The following XKR9 variants were observed in gnomAD, a reference collection of about 807,000 sequenced individuals.
XKR9 encodes XK related 9.
In XKR9, 32 loss-of-function variants were observed where a neutral mutation model predicts 32.0. The ratio of observed to expected loss-of-function variants is 1.00; its 90% confidence interval spans 0.76 to 1.34. The LOEUF (loss-of-function observed/expected upper bound fraction) is 1.34, where lower values mean the gene tolerates loss of function less well. Ranked by LOEUF, XKR9 falls within the 40% of genes most tolerant of loss-of-function variation. XKR9 has a pLI of 0.00. For synonymous variants in XKR9, 168 were observed against 143.4 expected, an observed-to-expected ratio of 1.17 and a Z score of -1.22; for missense variants, 546 against 429.7, an observed-to-expected ratio of 1.27 and a Z score of -2.39.
chr8:71,057,472 A>G, the XKR9 span, among the ~76,000 whole-genome samples: 1 of 152,188 alleles, frequency 6.6e-6, no homozygotes, highest in Non-Finnish European at 1.5e-5. Context: ...AGTCCTGTTA[A>G]AGTCATTAGA....
At chr8:71,005,956 T>C in the XKR9 span, among the ~76,000 whole-genome samples, 1 of 152,264 alleles carries the variant, frequency 6.6e-6, no homozygotes, top group African/African-American at 2.4e-5. Context: ...AGAGGGACTT[T>C]CTAAAGAAGA....
the XKR9 span, among the ~76,000 whole-genome samples, chr8:70,994,436 T>G: frequency 1.3e-5 from 2 of 152,164 alleles, no homozygotes; most frequent in Non-Finnish European, 2.9e-5. Context: ...ACATTTCACT[T>G]TCTTCTTACT....
chr8:70,859,381 AAG>A, the XKR9 span, among the ~76,000 whole-genome samples: 6 of 152,234 alleles, frequency 3.9e-5, no homozygotes, highest in Admixed American at 3.9e-4. Flanking sequence ...TGAGGATGTG[AAG>A]AGAGGGGAAC....
the XKR9 span, among the ~76,000 whole-genome samples, chr8:70,930,412 T>C: frequency 9.9e-5 from 15 of 152,256 alleles, no homozygotes; most frequent in South Asian, 2.1e-4. Context: ...TCAAAGTTAT[T>C]TACCACTTTG....
At chr8:70,798,726 A>G in the XKR9 span, among the ~76,000 whole-genome samples, 2 of 152,216 alleles carry the variant, frequency 1.3e-5, no homozygotes, top group Non-Finnish European at 2.9e-5. Context: ...ATTTTTGTAC[A>G]TGGTGTAAGG....
the XKR9 span, among the ~76,000 whole-genome samples, chr8:71,023,675 G>A: frequency 7.4e-4 from 113 of 152,332 alleles, no homozygotes; most frequent in African/African-American, 2.5e-3. Context: ...TGTGTGTGGT[G>A]TGGATGATGG....
downstream of XKR9, among the ~76,000 whole-genome samples, chr8:70,792,901 A>T (rs775193767): frequency 1.2e-4 from 18 of 152,156 alleles, no homozygotes; most frequent in Non-Finnish European, 5.9e-5. Context: ...CGTAGACTGA[A>T]TCTACTTGAT....
chr8:71,033,842 T>C, the XKR9 span, among the ~76,000 whole-genome samples: 3 of 152,140 alleles, frequency 2.0e-5, no homozygotes, highest in Non-Finnish European at 4.4e-5. Flanking sequence ...CCAACAGAAT[T>C]GTGAGCCAAA....
At chr8:70,804,085 G>A in the XKR9 span, among the ~76,000 whole-genome samples, 1 of 152,228 alleles carries the variant, frequency 6.6e-6, no homozygotes, top group Non-Finnish European at 1.5e-5. Context: ...GGCTACCAGT[G>A]GTGAGTGTGG....
the XKR9 span, among the ~76,000 whole-genome samples, chr8:70,811,750 G>A: frequency 6.6e-6 from 1 of 152,122 alleles, no homozygotes; most frequent in African/African-American, 2.4e-5. Flanking sequence ...GGAAGAAGTT[G>A]AATCTCAGAA....
chr8:70,929,940 G>A, the XKR9 span, among the ~76,000 whole-genome samples: 1 of 152,272 alleles, frequency 6.6e-6, no homozygotes, highest in South Asian at 2.1e-4. Context: ...AACTAGGCTG[G>A]CAATAATAGA....
At chr8:70,885,141 A>G in the XKR9 span, among the ~76,000 whole-genome samples, 3 of 151,766 alleles carry the variant, frequency 2.0e-5, no homozygotes, top group South Asian at 6.2e-4. Context: ...TGCTAATGTA[A>G]GTGATGTTGT....
chr8:71,042,099 A>C, the XKR9 span, among the ~76,000 whole-genome samples: 10 of 152,180 alleles, frequency 6.6e-5, no homozygotes, highest in Non-Finnish European at 1.3e-4. Context: ...AGTGACTGCC[A>C]TATGTGCTGG....
the XKR9 span, among the ~76,000 whole-genome samples, chr8:70,951,567 ATT>A: frequency 8.5e-5 from 13 of 152,272 alleles, no homozygotes; most frequent in Non-Finnish European, 1.8e-4. Flanking sequence ...TGTACCTGAA[ATT>A]TGTCTTTTAT....
chr8:70,966,168 ATTTACC>A, the XKR9 span, among the ~76,000 whole-genome samples: 5 of 152,042 alleles, frequency 3.3e-5, no homozygotes, highest in Non-Finnish European at 7.4e-5. Flanking sequence ...TAATTTCATT[ATTTACC>A]TAGGAGTCAT....
chr8:70,931,177 T>G, the XKR9 span, among the ~76,000 whole-genome samples: 1 of 152,092 alleles, frequency 6.6e-6, no homozygotes, highest in Admixed American at 6.6e-5. Context: ...GAGTGCCAAT[T>G]TATTTAACTA....
the XKR9 span, among the ~76,000 whole-genome samples, chr8:70,870,414 A>C: frequency 6.6e-6 from 1 of 152,200 alleles, no homozygotes; most frequent in Non-Finnish European, 1.5e-5. Flanking sequence ...AAAGATTCAG[A>C]TTGAAATCAG....
At chr8:70,857,041 C>T in the XKR9 span, among the ~76,000 whole-genome samples, 4 of 152,222 alleles carry the variant, frequency 2.6e-5, no homozygotes, top group Non-Finnish European at 4.4e-5. Flanking sequence ...AAAATTAATA[C>T]CCTAACATCA....
chr8:70,895,004 G>C, the XKR9 span, among the ~76,000 whole-genome samples: 4 of 152,048 alleles, frequency 2.6e-5, no homozygotes, highest in African/African-American at 9.7e-5. Flanking sequence ...CAGGGGTTGG[G>C]GTATAATATT....
Sources: allele counts gnomAD v4.1 joint callset (sites outside exome capture counted in the v4.1 genomes callset), GRCh38; gene constraint gnomAD v4.1.1; transcripts MANE v1.5; gene names NCBI Gene and HGNC (gene_info 2026-07-23, HGNC 2026-07-21).